Variants in SMIM14 observed in about 807,000 individuals in gnomAD.
SMIM14 encodes small integral membrane protein 14.
In SMIM14, 5 loss-of-function variants were observed where a neutral mutation model predicts 12.6. That is an observed-to-expected ratio of 0.40 (90% CI 0.21 to 0.83). SMIM14 has a LOEUF of 0.83. SMIM14 is among the 40% of genes least tolerant of loss of function. The pLI is 0.37. For missense variants in SMIM14, 86 were observed against 119.1 expected (o/e 0.72, Z 1.29); for synonymous variants, 30 against 40.1 (o/e 0.75, Z 0.95).
At chr4:39,632,530 A>G (rs889160899) in intron 1 of SMIM14, among the ~76,000 whole-genome samples, 18 of 150,948 alleles carry the variant, frequency 1.2e-4, no homozygotes, top group Non-Finnish European at 2.1e-4. Context: ...GCAATGGCTC[A>G]CACCTGTAAT....
intron 1 of SMIM14, among the ~76,000 whole-genome samples, chr4:39,627,046 A>T (rs150325391): frequency 0.018 from 2,783 of 152,230 alleles, 109 homozygotes; most frequent in African/African-American, 0.062. Flanking sequence ...GCACTGGTAG[A>T]TTCAGTGTCT....
intron 2 of SMIM14, among the ~76,000 whole-genome samples, chr4:39,591,426 T>G (rs1319962396): frequency 2.0e-5 from 3 of 152,000 alleles, no homozygotes; most frequent in Non-Finnish European, 4.4e-5. Flanking sequence ...TCGCTGTAAC[T>G]CGGTGATGTA....
intron 2 of SMIM14, among the ~76,000 whole-genome samples, chr4:39,596,983 CCAGGCTGGTCTTG>C (rs1302519095): frequency 6.6e-6 from 1 of 151,852 alleles, no homozygotes; most frequent in Non-Finnish European, 1.5e-5. Flanking sequence ...GCCGTATTGC[CCAGGCTGGTCTTG>C]AACTCCTAGG....
At chr4:39,625,559 A>G (rs1715665456) in intron 1 of SMIM14, among the ~76,000 whole-genome samples, 1 of 151,982 alleles carries the variant, frequency 6.6e-6, no homozygotes, top group African/African-American at 2.4e-5. Flanking sequence ...CTCTGCCTTA[A>G]TCTCTCGAGT....
At chr4:39,589,611 C>G (rs1354112124) in intron 2 of SMIM14, 2 of 152,168 alleles carry the variant, frequency 1.3e-5, no homozygotes, top group African/African-American at 4.8e-5. Flanking sequence ...ATAGAAGAAA[C>G]TATATGCCAA....
chr4:39,637,907 G>C (rs1157910042), intron 1 of SMIM14, among the ~76,000 whole-genome samples: 1 of 152,172 alleles, frequency 6.6e-6, no homozygotes, highest in Non-Finnish European at 1.5e-5. Context: ...TAGCTATTAC[G>C]TGTGTGAAGC....
intron 1 of SMIM14, among the ~76,000 whole-genome samples, chr4:39,614,404 C>A (rs1715146286): frequency 6.6e-6 from 1 of 151,678 alleles, no homozygotes; most frequent in Non-Finnish European, 1.5e-5. Flanking sequence ...TCCCTGCAAC[C>A]TCCACCTCCC....
Position 39,547,896 on chromosome 4 carries a change from G to GA in SMIM14, c.*4229dup, listed in dbSNP as rs1287783351. 6.7e-6 allele frequency: 1 copy of GA among 148,256 alleles called. No individual in the cohort carries two copies. The allele number at this position is 148,256 out of a possible 1,614,324, so 9.2% of individuals were successfully genotyped here. On this transcript the variant is annotated 3_prime_UTR_variant, in exon 5 of 5. Coordinates refer to ENST00000295958, the MANE Select transcript of SMIM14 (RefSeq NM_174921.3). ...CTTGGATAGATAACATGAAAAAAAT[G>GA]AAAAACATCTTTTTTTTTTTTTTTT...
chr4:39,567,139 A>C (rs1165479377), intron 3 of SMIM14, among the ~76,000 whole-genome samples: 1 of 147,936 alleles, frequency 6.8e-6, no homozygotes, highest in African/African-American at 2.5e-5. Context: ...CCATCTCAAA[A>C]AAAGAAAAAA....
At chr4:39,603,454 G>T (rs570746542) in intron 2 of SMIM14, among the ~76,000 whole-genome samples, 2 of 151,936 alleles carry the variant, frequency 1.3e-5, no homozygotes, top group South Asian at 4.2e-4. Flanking sequence ...AGCCACTTGG[G>T]AGGCTGAGGC....
intron 2 of SMIM14, among the ~76,000 whole-genome samples, chr4:39,592,351 C>A (rs984359021): frequency 4.0e-5 from 6 of 151,194 alleles, no homozygotes; most frequent in Non-Finnish European, 7.4e-5. Context: ...AATCCTCCCG[C>A]CTCTGCCTCC....
At chr4:39,586,914 T>C (rs10470878) in intron 2 of SMIM14, among the ~76,000 whole-genome samples, 40,034 of 151,752 alleles carry the variant, frequency 0.26, 5,953 homozygotes, top group East Asian at 0.39. Context: ...TACTGGCTTG[T>C]AGATAGAGGT....
chr4:39,577,847 C>T (rs780434978), intron 2 of SMIM14, among the ~76,000 whole-genome samples: 51 of 152,312 alleles, frequency 3.3e-4, no homozygotes, highest in Middle Eastern at 3.4e-3. Flanking sequence ...GACCAAGCTA[C>T]GGTAAGTCTT....
chr4:39,555,709 A>G (rs17510706), intron 4 of SMIM14, among the ~76,000 whole-genome samples: 4,623 of 152,322 alleles, frequency 0.03, 104 homozygotes, highest in Non-Finnish European at 0.045. Flanking sequence ...CAGAAATGGA[A>G]AATGGGTTTG....
At chr4:39,615,395 T>TG (rs1715183595) in intron 1 of SMIM14, among the ~76,000 whole-genome samples, 1 of 152,130 alleles carries the variant, frequency 6.6e-6, no homozygotes, top group East Asian at 1.9e-4. Context: ...AATAAATGAA[T>TG]GGGGGGATTT....
intron 1 of SMIM14, among the ~76,000 whole-genome samples, chr4:39,637,809 G>C (rs1248631971): frequency 6.6e-6 from 1 of 152,282 alleles, no homozygotes; most frequent in South Asian, 2.1e-4. Context: ...CCAACACCTG[G>C]AAGGTCTTAC....
At chr4:39,604,972 A>G in intron 2 of SMIM14, 99 bp downstream of exon 2, 1 of 749,178 alleles carries the variant, frequency 1.3e-6, no homozygotes. Flanking sequence ...CTCTTTAGTG[A>G]CCATCAGATG....
chr4:39,615,708 A>T (rs1029849386), intron 1 of SMIM14, among the ~76,000 whole-genome samples: 3 of 152,218 alleles, frequency 2.0e-5, no homozygotes, highest in African/African-American at 7.2e-5. Flanking sequence ...TTAAAAAAAT[A>T]AACTAAAAAA....
At chr4:39,584,520 G>A (rs1713686047) in intron 2 of SMIM14, among the ~76,000 whole-genome samples, 1 of 93,646 alleles carries the variant, frequency 1.1e-5, no homozygotes, top group Admixed American at 1.1e-4. Flanking sequence ...AACAGGCTGG[G>A]CGCAGTGGCT....
Sources: allele counts gnomAD v4.1 joint callset (sites outside exome capture counted in the v4.1 genomes callset), GRCh38; gene constraint gnomAD v4.1.1; transcripts MANE v1.5; gene names NCBI Gene and HGNC (gene_info 2026-07-23, HGNC 2026-07-21).